The following LPP variants were observed in gnomAD, a reference collection of about 807,000 sequenced individuals.
LPP encodes the protein lipoma-preferred partner.
LPP carries 38 observed loss-of-function variants against 60.4 expected under a neutral mutation model. The ratio of observed to expected loss-of-function variants is 0.63; its 90% CI spans 0.49 to 0.83. The LOEUF is 0.83. LPP is among the 40% of genes least tolerant of loss of function. LPP has a pLI of 0.00. For synonymous variants in LPP, 328 were observed against 290.8 expected, an observed-to-expected ratio of 1.13 and a Z score of -1.30; for missense variants, 902 against 783.6, an observed-to-expected ratio of 1.15 and a Z score of -1.80.
At chr3:188,428,565 G>C (rs1172651425) in intron 4 of LPP, among the ~76,000 whole-genome samples, 1 of 145,680 alleles carries the variant, frequency 6.9e-6, no homozygotes, top group Non-Finnish European at 1.5e-5. Flanking sequence ...TAATGTAATT[G>C]CTCTGGGATG....
rs376144314 is a variant in LPP at position 188,668,717 on chromosome 3, C to T, written c.1114-39550C>T. 7.9e-5 allele frequency among the ~76,000 whole-genome samples: 12 copies of T among 152,232 alleles called. 1 individual carries two copies. The highest frequency in any genetic ancestry group is 2.0e-4 in the Admixed American group (3 of 15,294). On this transcript the variant is annotated intron_variant, in intron 7 of 11. Coordinates refer to ENST00000617246, the MANE Select transcript of LPP (RefSeq NM_001375462.1). The stretch of plus-strand genomic sequence containing the variant: ...ATCACTGAGTCATTTGCTGTTTTTC[C>T]GTGGGACAATTACTTATTCTTTTTC...
intron 9 of LPP, among the ~76,000 whole-genome samples, chr3:188,819,190 T>C (rs1291784467): frequency 1.3e-5 from 2 of 152,036 alleles, no homozygotes; most frequent in African/African-American, 2.4e-5. Context: ...GGGGTACATA[T>C]GCAGGTTCGT....
chr3:188,593,775 A>G (rs1294291165), intron 6 of LPP, among the ~76,000 whole-genome samples: 1 of 152,156 alleles, frequency 6.6e-6, no homozygotes, highest in Non-Finnish European at 1.5e-5. Context: ...CTGTTAATTC[A>G]TTCATTTTTA....
intron 3 of LPP, among the ~76,000 whole-genome samples, chr3:188,394,551 A>ATGTGT (rs10525306): frequency 6.1e-5 from 9 of 146,884 alleles, no homozygotes; most frequent in Non-Finnish European, 1.0e-4. Flanking sequence ...AAATATCTAA[A>ATGTGT]GTGTGTGTGT....
At chr3:188,195,342 T>TTA (rs1334065151) in intron 1 of LPP, among the ~76,000 whole-genome samples, 1 of 152,064 alleles carries the variant, frequency 6.6e-6, no homozygotes, top group Non-Finnish European at 1.5e-5. Flanking sequence ...AGAATGAAAC[T>TTA]TACGCCGTTA....
At chr3:188,804,243 T>TTATATATCTATA (rs1748271592) in intron 9 of LPP, among the ~76,000 whole-genome samples, 1 of 37,698 alleles carries the variant, frequency 2.7e-5, no homozygotes, top group South Asian at 1.4e-3. Flanking sequence ...TAGTGCATCT[T>TTATATATCTATA]TATATATATA....
chr3:188,771,020 T>C (rs1735773440), intron 9 of LPP, among the ~76,000 whole-genome samples: 1 of 152,228 alleles, frequency 6.6e-6, no homozygotes, highest in Non-Finnish European at 1.5e-5. Flanking sequence ...GTAGTTTATT[T>C]TTGCCCAGAT....
In LPP at chr3:188,343,372, T is replaced by G. The variant is rs117131978; in HGVS notation, c.-10+1653T>G. Among the ~76,000 whole-genome samples, 751 of 152,354 alleles carry G rather than the reference T, an allele frequency of 4.9e-3. 37 individuals carry two copies. The East Asian group carries it at 0.11, about 23-fold the overall frequency. On this transcript the variant is annotated intron_variant, in intron 3 of 11. Coordinates refer to ENST00000617246, the MANE Select transcript of LPP (RefSeq NM_001375462.1). ...GGCTCCTGTCCACCTTTTATTTCTT[T>G]TCTAGTCCACAAAATAACCCTGCAA... is the stretch of plus-strand genomic sequence containing the variant.
chr3:188,442,605 A>G (rs559867192), intron 4 of LPP, among the ~76,000 whole-genome samples: 4 of 152,186 alleles, frequency 2.6e-5, no homozygotes, highest in Non-Finnish European at 5.9e-5. Flanking sequence ...CATATTTTCT[A>G]TAATCTGTAG....
At chr3:188,312,781 A>G (rs1753854604) in intron 2 of LPP, 1 of 152,234 alleles carries the variant, frequency 6.6e-6, no homozygotes. Flanking sequence ...ATACTTAAGA[A>G]CACCGTGGAA....
At chr3:188,338,904 G>T (rs1762358812) in intron 2 of LPP, among the ~76,000 whole-genome samples, 1 of 152,178 alleles carries the variant, frequency 6.6e-6, no homozygotes. Context: ...AGGACACCAT[G>T]GTTTGTGAAA....
intron 2 of LPP, among the ~76,000 whole-genome samples, chr3:188,232,295 A>G (rs1282681414): frequency 1.3e-5 from 2 of 152,070 alleles, no homozygotes; most frequent in Admixed American, 1.3e-4. Flanking sequence ...CGTGAATTCT[A>G]CTACCTGCTC....
intron 3 of LPP, among the ~76,000 whole-genome samples, chr3:188,398,638 A>G (rs1293264448): frequency 6.6e-6 from 1 of 152,226 alleles, no homozygotes; most frequent in African/African-American, 2.4e-5. Flanking sequence ...TCAGAGGAAG[A>G]GTGAATACAT....
At chr3:188,516,597 C>G (rs761222962) in intron 5 of LPP, among the ~76,000 whole-genome samples, 3 of 144,786 alleles carry the variant, frequency 2.1e-5, no homozygotes, top group Non-Finnish European at 3.0e-5. Flanking sequence ...CCCTTACTCC[C>G]CCTGCCCCAC....
At chr3:188,168,226 A>G (rs1258862524) in intron 1 of LPP, among the ~76,000 whole-genome samples, 1 of 152,250 alleles carries the variant, frequency 6.6e-6, no homozygotes, top group Non-Finnish European at 1.5e-5. Flanking sequence ...CAACCTCTTC[A>G]TTTAACATGT....
intron 9 of LPP, among the ~76,000 whole-genome samples, chr3:188,779,802 C>A (rs1739054582): frequency 6.6e-6 from 1 of 152,020 alleles, no homozygotes; most frequent in Admixed American, 6.6e-5. Flanking sequence ...ATAGAGAAGA[C>A]AGCTAATACA....
intron 7 of LPP, among the ~76,000 whole-genome samples, chr3:188,612,037 A>G (rs1340155521): frequency 1.3e-5 from 2 of 152,356 alleles, no homozygotes; most frequent in South Asian, 4.1e-4. Flanking sequence ...TGGTTATTCA[A>G]GATGATCTAT....
intron 2 of LPP, among the ~76,000 whole-genome samples, chr3:188,297,438 T>G (rs981627364): frequency 7.2e-5 from 11 of 152,216 alleles, no homozygotes; most frequent in African/African-American, 2.4e-4. Context: ...ATCAAGTAGA[T>G]AAATTCTATT....
intron 8 of LPP, among the ~76,000 whole-genome samples, chr3:188,738,383 G>A (rs950153735): frequency 6.6e-6 from 1 of 152,094 alleles, no homozygotes; most frequent in African/African-American, 2.4e-5. Context: ...ATGTATAGAT[G>A]AGGTAGTTTA....
Sources: allele counts gnomAD v4.1 joint callset (sites outside exome capture counted in the v4.1 genomes callset), GRCh38; gene constraint gnomAD v4.1.1; transcripts MANE v1.5; gene names NCBI Gene and HGNC (gene_info 2026-07-23, HGNC 2026-07-21).